Variants in KANSL1 observed in about 807,000 individuals in gnomAD.
The protein encoded by KANSL1 is MLL1/MLL complex subunit KANSL1.
A neutral mutation model predicts 103.6 loss-of-function variants in KANSL1; 22 were observed. The ratio of observed to expected loss-of-function variants is 0.21; its 90% CI spans 0.15 to 0.30. The LOEUF (loss-of-function observed/expected upper bound fraction) is 0.30. Ranked by LOEUF, KANSL1 falls within the 10% of genes least tolerant of loss-of-function variation. The pLI is 1.00. For missense variants in KANSL1, 1,337 were observed against 1,399.8 expected (o/e 0.96, Z 0.72); for synonymous variants, 600 against 527.6 (o/e 1.14, Z -1.88).
chr17:46,119,495 C>T (rs941358932), intron 2 of KANSL1, among the ~76,000 whole-genome samples: 3 of 151,848 alleles, frequency 2.0e-5, no homozygotes, highest in Non-Finnish European at 4.4e-5. Flanking sequence ...TTAGTAAAGA[C>T]GAGGTTTCAC....
At chr17:46,193,653 G>A (rs542016551), upstream of KANSL1, 794 of 312,158 alleles carry the variant, frequency 2.5e-3, no homozygotes, top group Admixed American at 4.5e-3. Flanking sequence ...TGCGGAGGCC[G>A]CGGCGCCCGG....
At chr17:46,169,258 C>A (rs2532276) in intron 2 of KANSL1, among the ~76,000 whole-genome samples, 21,946 of 152,096 alleles carry the variant, frequency 0.14, 2,135 homozygotes, top group Non-Finnish European at 0.22. Flanking sequence ...AGATGGGTTA[C>A]GGAAGAAGCA....
At chr17:46,036,775 A>C (rs976766323) in intron 10 of KANSL1, among the ~76,000 whole-genome samples, 5 of 151,408 alleles carry the variant, frequency 3.3e-5, no homozygotes, top group Non-Finnish European at 5.9e-5. Flanking sequence ...GCTTGAGTGC[A>C]ATGGCTTGAT....
At chr17:46,205,808 T>C (rs2047948149) in intron 1 of KANSL1, among the ~76,000 whole-genome samples, 1 of 152,080 alleles carries the variant, frequency 6.6e-6, no homozygotes, top group African/African-American at 2.4e-5. Context: ...CCAGGTGTGA[T>C]GGCTCACACC....
intron 2 of KANSL1, among the ~76,000 whole-genome samples, chr17:46,157,809 C>A (rs2045509947): frequency 6.6e-6 from 1 of 152,252 alleles, no homozygotes. Context: ...TTTCATCTTA[C>A]AAAGAAAAGA....
chr17:46,033,263 G>A, intron 12 of KANSL1, 71 bp from the exon 13 acceptor site: 1 of 1,440,976 alleles, frequency 6.9e-7, no homozygotes, highest in Non-Finnish European at 9.6e-7. Flanking sequence ...CCCATTCTAG[G>A]TTCTTCCCGG....
At chr17:46,183,584 G>C (rs1222843810) in intron 1 of KANSL1, among the ~76,000 whole-genome samples, 6 of 135,514 alleles carry the variant, frequency 4.4e-5, no homozygotes, top group African/African-American at 7.6e-5. Flanking sequence ...AGAGAGGAGA[G>C]AGGAGACAGG....
At chr17:46,074,409 C>T (rs187794476) in intron 4 of KANSL1, among the ~76,000 whole-genome samples, 6 of 152,198 alleles carry the variant, frequency 3.9e-5, no homozygotes, top group Non-Finnish European at 1.5e-5. Context: ...AACAGAATTC[C>T]ATTTAATGCA....
chr17:46,069,864 A>G (rs1049618916), intron 4 of KANSL1, among the ~76,000 whole-genome samples: 4 of 152,230 alleles, frequency 2.6e-5, no homozygotes, highest in Non-Finnish European at 5.9e-5. Context: ...GACAAGTCAT[A>G]TAAGTATGCT....
intron 2 of KANSL1, among the ~76,000 whole-genome samples, chr17:46,130,412 A>G (rs17661385): frequency 0.14 from 21,521 of 151,740 alleles, 2,116 homozygotes; most frequent in Non-Finnish European, 0.22. Context: ...CTTTTAAAGA[A>G]ACAACACTTT....
rs374360315 is a variant in KANSL1 at position 46,031,706 on chromosome 17, G to T, written c.3091-3C>A. 1 of 1,592,026 alleles carries T rather than the reference G, an allele frequency of 6.3e-7. No homozygotes were observed. Among genetic ancestry groups the T allele is most frequent in the African/African-American group, 1.3e-5 (1 of 74,556 alleles). On this transcript the variant is annotated splice_region_variant and splice_polypyrimidine_tract_variant and intron_variant, in intron 14 of 14. Transcript: ENST00000432791. Reference sequence around the variant, plus strand: ...CGCCGCTCCCAGGGCTGGACAGACTGTAGGCAGACAAGTTGCTCTTTGAGG... The same window carrying T: ...CGCCGCTCCCAGGGCTGGACAGACTTTAGGCAGACAAGTTGCTCTTTGAGG...
chr17:46,043,354 C>T (rs1276300922), intron 7 of KANSL1: 1 of 151,130 alleles, frequency 6.6e-6, no homozygotes, highest in Non-Finnish European at 1.5e-5. Context: ...ATAGTGAAAA[C>T]AGCAATGACT....
At chr17:46,088,128 C>A (rs2079235187) in intron 3 of KANSL1, among the ~76,000 whole-genome samples, 1 of 152,346 alleles carries the variant, frequency 6.6e-6, no homozygotes, top group East Asian at 1.9e-4. Flanking sequence ...AAGAGTGAAG[C>A]AAGCTTCTGC....
At chr17:46,123,721 A>G (rs2043388113) in intron 2 of KANSL1, among the ~76,000 whole-genome samples, 1 of 152,244 alleles carries the variant, frequency 6.6e-6, no homozygotes, top group African/African-American at 2.4e-5. Context: ...GCAGAAGCAA[A>G]GTCTGAAGAT....
At chr17:46,212,371 C>T (rs759987638) in intron 1 of KANSL1, among the ~76,000 whole-genome samples, 127 of 152,212 alleles carry the variant, frequency 8.3e-4, no homozygotes, top group Non-Finnish European at 1.5e-3. Flanking sequence ...CAGGCACGTG[C>T]CACCACGCCC....
intron 6 of KANSL1, among the ~76,000 whole-genome samples, chr17:46,064,053 T>TAAAAAAA (rs58111244): frequency 2.8e-5 from 3 of 105,750 alleles, no homozygotes; most frequent in African/African-American, 7.0e-5. Flanking sequence ...CGACTATTAG[T>TAAAAAAA]AAAAAAAAAA....
At chr17:46,116,073 A>ATT (rs1269752282) in intron 2 of KANSL1, among the ~76,000 whole-genome samples, 1 of 152,224 alleles carries the variant, frequency 6.6e-6, no homozygotes, top group Non-Finnish European at 1.5e-5. Flanking sequence ...GCCTCTTATA[A>ATT]ATAAGTCAAC....
intron 2 of KANSL1, among the ~76,000 whole-genome samples, chr17:46,096,622 G>T (rs998901601): frequency 6.9e-6 from 1 of 145,874 alleles, no homozygotes; most frequent in South Asian, 2.2e-4. Flanking sequence ...ACCCAGCCCT[G>T]ACTAACTTTT....
At chr17:46,069,802 C>A (rs2078511291) in intron 4 of KANSL1, among the ~76,000 whole-genome samples, 1 of 151,744 alleles carries the variant, frequency 6.6e-6, no homozygotes, top group African/African-American at 2.4e-5. Flanking sequence ...GGAAGATAAT[C>A]TAAAAGTTTT....
Sources: gnomAD v4.1 joint callset for allele counts (sites outside exome capture counted in the v4.1 genomes callset) on GRCh38, gnomAD v4.1.1 for gene constraint, MANE v1.5 for transcripts, NCBI Gene and HGNC (gene_info 2026-07-23, HGNC 2026-07-21) for gene names.